Variants in HECW1 observed in about 807,000 individuals in gnomAD.
HECW1 encodes E3 ubiquitin-protein ligase HECW1.
Under a neutral mutation model 182.3 loss-of-function variants are expected in HECW1, and 61 were observed. The observed-to-expected ratio is 0.33, with a 90% CI of 0.27 to 0.41. The LOEUF (loss-of-function observed/expected upper bound fraction) is 0.41. HECW1 is among the 10% of genes least tolerant of loss of function. HECW1 has a pLI of 1.00. For missense variants in HECW1, 1,739 were observed against 2,108.9 expected (o/e 0.82, Z 3.44); for synonymous variants, 859 against 832.6 (o/e 1.03, Z -0.55).
At chr7:43,279,773 T>C (rs752410963) in intron 3 of HECW1, among the ~76,000 whole-genome samples, 30 of 152,216 alleles carry the variant, frequency 2.0e-4, no homozygotes, top group Non-Finnish European at 2.9e-4. Context: ...TATATTTTTA[T>C]TGGTGTATTT....
At chr7:43,520,318 T>C (rs1053891416) in intron 24 of HECW1, among the ~76,000 whole-genome samples, 1 of 152,138 alleles carries the variant, frequency 6.6e-6, no homozygotes, top group African/African-American at 2.4e-5. Flanking sequence ...AATTCCCTAC[T>C]GTCTACGAAA....
chr7:43,443,897 T>G (rs1483765000), intron 10 of HECW1, among the ~76,000 whole-genome samples: 1 of 152,232 alleles, frequency 6.6e-6, no homozygotes, highest in Non-Finnish European at 1.5e-5. Context: ...TCATTCCATG[T>G]GGCAAACACT....
At chr7:43,288,642 G>A (rs960721091) in intron 3 of HECW1, among the ~76,000 whole-genome samples, 1 of 152,136 alleles carries the variant, frequency 6.6e-6, no homozygotes, top group African/African-American at 2.4e-5. Context: ...TTGACTCCCA[G>A]AGCCCAGGAG....
chr7:43,369,133 G>C (rs924992390), intron 6 of HECW1, among the ~76,000 whole-genome samples: 2 of 152,112 alleles, frequency 1.3e-5, no homozygotes, highest in African/African-American at 4.8e-5. Flanking sequence ...TCTGTCACAG[G>C]AAATATAAAT....
At chr7:43,459,208 T>C (rs918211149) in intron 13 of HECW1, among the ~76,000 whole-genome samples, 13 of 151,934 alleles carry the variant, frequency 8.6e-5, no homozygotes, top group African/African-American at 2.9e-4. Flanking sequence ...GCTTCTGGAA[T>C]GTGCCTGCCT....
intron 12 of HECW1, among the ~76,000 whole-genome samples, chr7:43,454,159 C>A (rs1039745524): frequency 1.1e-4 from 16 of 152,166 alleles, no homozygotes; most frequent in Admixed American, 6.5e-4. Flanking sequence ...CCTTTGTCTG[C>A]GAAGGACCCC....
At chr7:43,384,968 T>A (rs1248228190) in intron 6 of HECW1, among the ~76,000 whole-genome samples, 1 of 152,080 alleles carries the variant, frequency 6.6e-6, no homozygotes, top group African/African-American at 2.4e-5. Context: ...CATGCTTAGA[T>A]GAAAAGAGCT....
chr7:43,267,001 A>G (rs753512569), intron 3 of HECW1, among the ~76,000 whole-genome samples: 7 of 152,352 alleles, frequency 4.6e-5, no homozygotes, highest in Non-Finnish European at 7.4e-5. Context: ...TCCTAATAGT[A>G]TAGAATCAAA....
At chr7:43,165,397 C>CGGGGG (rs11451295) in intron 2 of HECW1, among the ~76,000 whole-genome samples, 3 of 137,102 alleles carry the variant, frequency 2.2e-5, no homozygotes, top group Admixed American at 7.1e-5. Flanking sequence ...GGGCTTTTGG[C>CGGGGG]GGGGGGGGGT....
chr7:43,368,100 G>T (rs1056846363), intron 6 of HECW1, among the ~76,000 whole-genome samples: 6 of 152,128 alleles, frequency 3.9e-5, no homozygotes, highest in African/African-American at 1.4e-4. Flanking sequence ...AGCTCCTTGG[G>T]GCTAACCATT....
intron 8 of HECW1, among the ~76,000 whole-genome samples, chr7:43,415,513 T>C (rs1234876500): frequency 6.6e-6 from 1 of 152,134 alleles, no homozygotes; most frequent in Non-Finnish European, 1.5e-5. Context: ...TGTCTTAGAG[T>C]TGCTCTTCTC....
intron 2 of HECW1, among the ~76,000 whole-genome samples, chr7:43,129,860 C>T (rs1786711413): frequency 6.6e-6 from 1 of 152,174 alleles, no homozygotes; most frequent in Admixed American, 6.5e-5. Flanking sequence ...TACTTCAAAT[C>T]ATCTCAAGAT....
intron 5 of HECW1, among the ~76,000 whole-genome samples, chr7:43,351,564 A>G (rs1340062115): frequency 6.6e-6 from 1 of 151,376 alleles, no homozygotes; most frequent in East Asian, 1.9e-4. Flanking sequence ...TGGGGGTGAG[A>G]TTCCCAGGAG....
intron 19 of HECW1, among the ~76,000 whole-genome samples, chr7:43,498,843 G>A (rs1300533098): frequency 1.3e-5 from 2 of 152,048 alleles, no homozygotes; most frequent in African/African-American, 4.8e-5. Context: ...TAAAAAAAAA[G>A]ATCTCCATAC....
chr7:43,421,069 A>AAT (rs753124555), intron 8 of HECW1, among the ~76,000 whole-genome samples: 3 of 152,256 alleles, frequency 2.0e-5, no homozygotes, highest in Non-Finnish European at 4.4e-5. Context: ...CTAAGAATTA[A>AAT]ATAGTGTGGC....
At chr7:43,333,661 T>C (rs1000272767) in intron 5 of HECW1, among the ~76,000 whole-genome samples, 1 of 152,146 alleles carries the variant, frequency 6.6e-6, no homozygotes, top group African/African-American at 2.4e-5. Context: ...GCAGGAAGCA[T>C]GAGACTTATG....
chr7:43,527,456 C>T (rs2080803430), intron 24 of HECW1, among the ~76,000 whole-genome samples: 1 of 152,162 alleles, frequency 6.6e-6, no homozygotes, highest in Non-Finnish European at 1.5e-5. Flanking sequence ...CAGTCTCTGC[C>T]TCTGTCTCAC....
chr7:43,215,975 C>T (rs953490735), intron 2 of HECW1, among the ~76,000 whole-genome samples: 1 of 152,148 alleles, frequency 6.6e-6, no homozygotes, highest in Non-Finnish European at 1.5e-5. Context: ...TTTCTTCAAA[C>T]TGTCTGACCC....
intron 11 of HECW1, among the ~76,000 whole-genome samples, chr7:43,448,973 G>A (rs1027309665): frequency 6.6e-6 from 1 of 152,076 alleles, no homozygotes; most frequent in African/African-American, 2.4e-5. Context: ...CCATTCAGTC[G>A]GCTGAGACAT....
Sources: allele counts gnomAD v4.1 joint callset (sites outside exome capture counted in the v4.1 genomes callset), GRCh38; gene constraint gnomAD v4.1.1; transcripts MANE v1.5; gene names NCBI Gene and HGNC (gene_info 2026-07-23, HGNC 2026-07-21).